Variants in DNAJC10 observed in about 807,000 individuals in gnomAD.
The protein encoded by DNAJC10 is DnaJ heat shock protein family (Hsp40) member C10.
DNAJC10 carries 101 observed loss-of-function variants against 115.0 expected under a neutral mutation model. The ratio of observed to expected loss-of-function variants is 0.88; its 90% confidence interval spans 0.75 to 1.04. DNAJC10 has a LOEUF of 1.04. Among genes scored for constraint, DNAJC10 ranks in the 50% least tolerant of loss-of-function variants. DNAJC10 has a pLI of 0.00. For synonymous variants in DNAJC10, 307 were observed against 301.5 expected (o/e 1.02, Z -0.19); for missense variants, 981 against 928.8 (o/e 1.06, Z -0.73).
rs1391143136 is a variant in DNAJC10, at chr2:182,740,307, C to T, written c.996C>T (p.Asn332=). The change falls in exon 12 of 24, where the codon AAC becomes AAT. Residue 332 remains asparagine (N), a synonymous_variant. Transcript: ENST00000264065. Reference sequence around the variant, plus strand: ...TGATTTTCTTTTTCTAGTTTCTCAACTCATTGGATGCTAAAGAAATATATT... The same window carrying T: ...TGATTTTCTTTTTCTAGTTTCTCAATTCATTGGATGCTAAAGAAATATATT... ...NKEKNSILFL[N]SLDAKEIYLE... is the part of the protein sequence containing the mutation. The T allele has an allele frequency of 3.4e-6, 5 of 1,465,706 alleles. No homozygotes were observed. The highest frequency in any genetic ancestry group is 4.6e-6 in the Non-Finnish European group (5 of 1,081,982). The allele number at this position is 1,465,706 out of a possible 1,614,324, so 90.8% of individuals were successfully genotyped here.
intron 15 of DNAJC10, 49 bp from the exon 16 acceptor site, chr2:182,752,023 T>G (rs576091397): frequency 2.6e-5 from 38 of 1,467,226 alleles, no homozygotes; most frequent in East Asian, 1.8e-4. Context: ...GATGGGGGGG[T>G]TTTTTGTGTC....
At position 182,777,770 on chromosome 2, in the gene DNAJC10, T is replaced by G. The variant is rs888399237; in HGVS notation, c.*638T>G. On this transcript the variant is annotated 3_prime_UTR_variant, in exon 24 of 24. Transcript: ENST00000264065. ...ATTATTATGAGGAGATTCTTCATTG[T>G]TTTCTTTCCTTCTCAAAGGTTGAAA... 6.6e-6 allele frequency: 1 copy of G among 152,198 alleles called. No individual in the cohort carries two copies. The highest frequency in any genetic ancestry group is 1.5e-5 in the Non-Finnish European group (1 of 68,036). The allele number at this position is 152,198 out of a possible 1,614,324, so 9.4% of individuals were successfully genotyped here.
At chr2:182,748,841 T>G (rs1693941974) in intron 14 of DNAJC10, among the ~76,000 whole-genome samples, 1 of 152,118 alleles carries the variant, frequency 6.6e-6, no homozygotes, top group Non-Finnish European at 1.5e-5. Flanking sequence ...GTCCCAGAGA[T>G]TGTGGTATGT....
chr2:182,731,852 TTAAC>T (rs1352531667), intron 9 of DNAJC10, among the ~76,000 whole-genome samples: 3 of 152,164 alleles, frequency 2.0e-5, no homozygotes, highest in African/African-American at 7.2e-5. Context: ...AGCCTTAAAC[TTAAC>T]TAATCACCAA....
At chr2:182,768,227 A>T (rs1694467055) in intron 22 of DNAJC10, among the ~76,000 whole-genome samples, 1 of 152,134 alleles carries the variant, frequency 6.6e-6, no homozygotes. Context: ...GAGGCAGCTT[A>T]TATCAGAGCC....
In DNAJC10 at chr2:182,753,246, G is replaced by A. The variant is rs144730680; in HGVS notation, c.1551+1058G>A. Among the ~76,000 whole-genome samples, 533 of 152,152 alleles carry A rather than the reference G, an allele frequency of 3.5e-3. 2 individuals are homozygous for A. The highest frequency in any genetic ancestry group is 5.8e-3 in the Non-Finnish European group (394 of 68,002). ...TAGCTATATGAATACGCGAGAGTTT[G>A]TTGCTCTCTACTTTTGTGAATGTTC... On this transcript the variant is annotated intron_variant, in intron 16 of 23. Coordinates refer to ENST00000264065, the MANE Select transcript of DNAJC10 (RefSeq NM_018981.4).
At chr2:182,776,216 A>G (rs537551166) in intron 23 of DNAJC10, among the ~76,000 whole-genome samples, 17 of 152,284 alleles carry the variant, frequency 1.1e-4, no homozygotes, top group African/African-American at 4.1e-4. Context: ...ATTGTTAGGA[A>G]TAAATATACT....
At position 182,741,336 on chromosome 2, in the gene DNAJC10, C is replaced by G. The variant is rs867724032; in HGVS notation, c.1171C>G (p.Leu391Val). 3.2e-6 allele frequency: 5 copies of G among 1,568,748 alleles called. No homozygotes were observed. Among genetic ancestry groups the G allele is most frequent in the African/African-American group, 1.4e-5 (1 of 72,984 alleles). ...DPELKKLKTLLKNDHIQVGRF... is the reference protein window; with the variant it reads ...DPELKKLKTLVKNDHIQVGRF... Reference sequence around the variant, plus strand: ...TGAGCTGAAAAAACTAAAAACTCTACTTAAAAATGATCATATTCAAGTAAG... The same window carrying G: ...TGAGCTGAAAAAACTAAAAACTCTAGTTAAAAATGATCATATTCAAGTAAG... Residue 391 changes from leucine (L) to valine (V), a missense_variant, in exon 13 of 24, where the codon CTT becomes GTT. Physicochemically the swap from Leu to Val is conservative, Grantham distance 32. Coordinates refer to ENST00000264065, the MANE Select transcript of DNAJC10 (RefSeq NM_018981.4).
chr2:182,753,703 C>T (rs1448547254), intron 16 of DNAJC10, among the ~76,000 whole-genome samples: 1 of 147,900 alleles, frequency 6.8e-6, no homozygotes, highest in Non-Finnish European at 1.5e-5. Flanking sequence ...CTCCCTTAGC[C>T]TGCCGAGTAG....
intron 3 of DNAJC10, among the ~76,000 whole-genome samples, chr2:182,719,790 TTTTCTTAC>T (rs1693099056): frequency 2.2e-5 from 3 of 135,890 alleles, no homozygotes; most frequent in South Asian, 4.6e-4. Context: ...ATTTCATTAC[TTTTCTTAC>T]TTTTTTTTTT....
intron 22 of DNAJC10, among the ~76,000 whole-genome samples, chr2:182,765,224 T>G (rs910041254): frequency 6.6e-6 from 1 of 151,948 alleles, no homozygotes; most frequent in African/African-American, 2.4e-5. Context: ...TCATGTGCTA[T>G]TATGGGGAAA....
At position 182,774,841 on chromosome 2, in the gene DNAJC10, G is replaced by A. The variant is rs139716899; in HGVS notation, c.2266-475G>A. ...CACCCCCCCCAATCCCCGCCCTGGC[G>A]TCTTCTCGCCCTCTGTGGGCTGCAC... is the stretch of plus-strand genomic sequence containing the variant. On this transcript the variant is annotated intron_variant, in intron 22 of 23. Transcript: ENST00000264065. Among the ~76,000 whole-genome samples the A allele has an allele frequency of 1.5e-3, 234 of 152,286 alleles. 5 individuals carry two copies. Among genetic ancestry groups the A allele is most frequent in the South Asian group, 0.015 (73 of 4,830 alleles).
At chr2:182,744,886 A>T (rs1693822631) in intron 14 of DNAJC10, among the ~76,000 whole-genome samples, 2 of 151,928 alleles carry the variant, frequency 1.3e-5, no homozygotes, top group South Asian at 4.2e-4. Flanking sequence ...ATGGAATAAT[A>T]CTCTTTTTTA....
At chr2:182,767,981 A>C (rs949978660) in intron 22 of DNAJC10, among the ~76,000 whole-genome samples, 42 of 152,142 alleles carry the variant, frequency 2.8e-4, no homozygotes, top group Admixed American at 1.0e-3. Context: ...TGCCATGTAC[A>C]TACGTATGAA....
intron 5 of DNAJC10, among the ~76,000 whole-genome samples, chr2:182,727,394 T>A (rs1297791463): frequency 6.6e-6 from 1 of 152,254 alleles, no homozygotes; most frequent in African/African-American, 2.4e-5. Flanking sequence ...GCTGATAAGA[T>A]AATCCCTTCT....
chr2:182,744,282 G>A (rs960865482), intron 14 of DNAJC10, among the ~76,000 whole-genome samples: 7 of 152,156 alleles, frequency 4.6e-5, no homozygotes, highest in Non-Finnish European at 1.0e-4. Flanking sequence ...CTACCATGCA[G>A]TTAAGTGAAC....
rs372447298 is a variant in DNAJC10, at chr2:182,731,066, C to T, written c.764C>T (p.Ala255Val). The T allele has an allele frequency of 1.2e-4, 186 of 1,612,572 alleles. 1 individual carries two copies. The highest frequency in any genetic ancestry group is 1.1e-3 in the East Asian group (49 of 44,768). ...AACTCCATACAAACTGCTTTTGCTG[C>T]TGGTATTGGCTGGCTGATCACTTTT... ...FVNSIQTAFA[A>V]GIGWLITFCS... Residue 255 changes from alanine to valine, a missense_variant, in exon 9 of 24, where the codon GCT (alanine) becomes GTT (valine). Transcript: ENST00000264065.
At chr2:182,761,442 G>A (rs1163448502) in intron 21 of DNAJC10, among the ~76,000 whole-genome samples, 1 of 152,152 alleles carries the variant, frequency 6.6e-6, no homozygotes, top group Non-Finnish European at 1.5e-5. Context: ...AAGTTAGTCT[G>A]CATTTTAGTA....
At chr2:182,767,224 T>C (rs1266942992) in intron 22 of DNAJC10, among the ~76,000 whole-genome samples, 11 of 152,024 alleles carry the variant, frequency 7.2e-5, no homozygotes, top group Non-Finnish European at 1.0e-4. Context: ...GTGGCCAAAA[T>C]AGTAGCGTTA....
Sources: gnomAD v4.1 joint callset for allele counts (sites outside exome capture counted in the v4.1 genomes callset) on GRCh38, gnomAD v4.1.1 for gene constraint, MANE v1.5 for transcripts, NCBI Gene and HGNC (gene_info 2026-07-23, HGNC 2026-07-21) for gene names.